EVC: variants seen among roughly 807,000 people sequenced by gnomAD.
The protein encoded by EVC is evC complex member EVC.
In EVC, 116 loss-of-function variants were observed where a neutral mutation model predicts 118.9. The ratio of observed to expected loss-of-function variants is 0.98; its 90% CI spans 0.84 to 1.14. The LOEUF is 1.14. Ranked by LOEUF, EVC falls within the 50% of genes most tolerant of loss-of-function variation. The pLI is 0.00. For synonymous variants in EVC, 619 were observed against 534.7 expected, an observed-to-expected ratio of 1.16 and a Z score of -2.18; for missense variants, 1,401 against 1,246.4, an observed-to-expected ratio of 1.12 and a Z score of -1.87.
intron 15 of EVC, 77 bp from the exon 16 acceptor site, chr4:5,801,873 G>T: frequency 1.3e-6 from 2 of 1,526,676 alleles, no homozygotes; most frequent in South Asian, 2.3e-5. Flanking sequence ...GGCATGGGGA[G>T]GCAGGGACTG....
At chr4:5,779,214 A>T (rs1287869537) in intron 11 of EVC, among the ~76,000 whole-genome samples, 2 of 151,904 alleles carry the variant, frequency 1.3e-5, no homozygotes, top group Admixed American at 1.3e-4. Context: ...CTGTTTTGGT[A>T]CCAGTACCAT....
chr4:5,820,803 T>A, the EVC span: 29 of 130,248 alleles, frequency 2.2e-4, no homozygotes, highest in African/African-American at 9.1e-4. Context: ...GTTCATTTTC[T>A]TTATTTTTTC....
At chr4:5,777,008 A>C (rs1364295601) in intron 11 of EVC, among the ~76,000 whole-genome samples, 2 of 152,110 alleles carry the variant, frequency 1.3e-5, no homozygotes, top group Non-Finnish European at 2.9e-5. Context: ...TCTCTGAAGT[A>C]CCTGTGGGTT....
intron 12 of EVC, among the ~76,000 whole-genome samples, chr4:5,784,357 G>A (rs569637109): frequency 9.9e-5 from 15 of 152,208 alleles, no homozygotes; most frequent in Non-Finnish European, 2.1e-4. Flanking sequence ...CTAAGCAGAG[G>A]TCGGAATGGT....
rs1430015344 is a variant in EVC at position 5,755,407 on chromosome 4, C to T, written c.1465-857C>T. 6.7e-6 allele frequency among the ~76,000 whole-genome samples: 1 copy of T among 149,904 alleles called. No homozygotes were observed. Among genetic ancestry groups the T allele is most frequent in the Non-Finnish European group, 1.5e-5 (1 of 67,744 alleles). ...GTGCCTGAATGAACCAGGACATGGA[C>T]AAATGGGCAAACGAGCGAATGAAGG... On this transcript the variant is annotated intron_variant, in intron 10 of 20. Transcript: ENST00000264956. This position sits in a 1 kb window ranked among gnomAD's most constrained non-coding sequence, Gnocchi z 4.1.
chr4:5,814,549 C>T (rs980408437), downstream of EVC, among the ~76,000 whole-genome samples: 8 of 152,190 alleles, frequency 5.3e-5, no homozygotes, highest in Admixed American at 2.6e-4. Flanking sequence ...TTATGGGCGG[C>T]GTTCCCTGGC....
chr4:5,787,325 C>T (rs888572627), intron 12 of EVC, among the ~76,000 whole-genome samples: 2 of 152,204 alleles, frequency 1.3e-5, no homozygotes, highest in East Asian at 1.9e-4. Flanking sequence ...CAAATCTTTG[C>T]GAATGTGATT....
intron 11 of EVC, among the ~76,000 whole-genome samples, chr4:5,778,355 G>A: frequency 6.6e-6 from 1 of 152,032 alleles, no homozygotes; most frequent in Admixed American, 6.5e-5. Context: ...TATATACCCA[G>A]TAATGGGATG....
intron 11 of EVC, among the ~76,000 whole-genome samples, chr4:5,769,462 C>T (rs374703457): frequency 2.0e-4 from 28 of 140,528 alleles, no homozygotes; most frequent in African/African-American, 4.7e-4. Context: ...GAGAAAAGTG[C>T]ATTTTTCTGA....
chr4:5,766,539 AC>A (rs534305024), intron 11 of EVC, among the ~76,000 whole-genome samples: 1,641 of 121,746 alleles, frequency 0.013, 50 homozygotes, highest in African/African-American at 0.051. Context: ...TTTCAGGTAC[AC>A]CAATCAGACG....
At chr4:5,796,111 T>A (rs908094009) in intron 13 of EVC, among the ~76,000 whole-genome samples, 10 of 152,232 alleles carry the variant, frequency 6.6e-5, no homozygotes, top group Non-Finnish European at 1.0e-4. Context: ...CCTGAGTTGT[T>A]CATGTCAGTT....
intron 11 of EVC, among the ~76,000 whole-genome samples, chr4:5,760,013 C>G: frequency 6.6e-6 from 1 of 152,072 alleles, no homozygotes; most frequent in African/African-American, 2.4e-5. Context: ...GCTTCCAAAT[C>G]ACAGGTAGGC....
At chr4:5,758,201 A>G in intron 11 of EVC, 1 of 696,438 alleles carries the variant, frequency 1.4e-6, no homozygotes, top group Non-Finnish European at 2.6e-6. Context: ...AGAAGAGCCC[A>G]GGAAGGGCCC....
At chr4:5,744,468 T>C (rs558148146) in intron 6 of EVC, among the ~76,000 whole-genome samples, 2 of 152,294 alleles carry the variant, frequency 1.3e-5, no homozygotes, top group South Asian at 4.2e-4. Context: ...AGTCTATACT[T>C]AGGACTCACC....
chr4:5,754,008 G>C lies in EVC; in HGVS notation c.1464+75G>C. 1 of 1,576,698 alleles carries C rather than the reference G, an allele frequency of 6.3e-7. No homozygotes were observed. The highest frequency in any genetic ancestry group is 8.7e-7 in the Non-Finnish European group (1 of 1,149,254). On this transcript the variant is annotated intron_variant, in intron 10 of 20. Transcript: ENST00000264956. The surrounding 1 kb of genome is among the most constrained non-coding windows in gnomAD (Gnocchi z 5.8). Reference sequence around the variant, plus strand: ...CTGTTCCCGTGACTGAGCACGGGACGCCGGAGGTATTCATCAGGCATGAGG... The same window carrying C: ...CTGTTCCCGTGACTGAGCACGGGACCCCGGAGGTATTCATCAGGCATGAGG...
At chr4:5,727,178 A>G (rs1482435322) in intron 2 of EVC, among the ~76,000 whole-genome samples, 1 of 151,870 alleles carries the variant, frequency 6.6e-6, no homozygotes. Context: ...ACTAGTTTAC[A>G]GTCCCACCAA....
At chr4:5,735,370 C>T (rs940406696) in intron 5 of EVC, among the ~76,000 whole-genome samples, 3 of 152,190 alleles carry the variant, frequency 2.0e-5, no homozygotes, top group Non-Finnish European at 4.4e-5. Context: ...GACCCTAGTC[C>T]ACCCTTTGAC....
At chr4:5,805,919 A>G (rs1413441052) in intron 17 of EVC, among the ~76,000 whole-genome samples, 1 of 129,756 alleles carries the variant, frequency 7.7e-6, no homozygotes, top group Non-Finnish European at 1.6e-5. Flanking sequence ...TGAAGGAGTG[A>G]CAGTACAATT....
At chr4:5,780,026 A>C (rs963114299) in intron 11 of EVC, among the ~76,000 whole-genome samples, 1 of 152,124 alleles carries the variant, frequency 6.6e-6, no homozygotes, top group African/African-American at 2.4e-5. Flanking sequence ...ATCAATACCT[A>C]ATTGATTAAG....
Sources: gnomAD v4.1 joint callset for allele counts (sites outside exome capture counted in the v4.1 genomes callset) on GRCh38, gnomAD v4.1.1 for gene constraint, Gnocchi (gnomAD v3.1) non-coding constraint, MANE v1.5 for transcripts, NCBI Gene and HGNC (gene_info 2026-07-23, HGNC 2026-07-21) for gene names.